Variants in GIGYF2 observed in about 807,000 individuals in gnomAD.
GIGYF2 encodes the protein GRB10 interacting GYF protein 2.
Under a neutral mutation model 208.1 loss-of-function variants are expected in GIGYF2, and 25 were observed. The observed-to-expected ratio is 0.12, with a 90% CI of 0.09 to 0.17. The LOEUF is 0.17. Among genes scored for constraint, GIGYF2 ranks in the 10% least tolerant of loss-of-function variants. GIGYF2 has a pLI of 1.00. For missense variants in GIGYF2, 1,302 were observed against 1,579.4 expected (o/e 0.82, Z 2.98); for synonymous variants, 534 against 543.8 (o/e 0.98, Z 0.25).
At chr2:232,844,604 C>T (rs376805748) in intron 25 of GIGYF2, 30 bp downstream of exon 25, 39 of 1,497,592 alleles carry the variant, frequency 2.6e-5, no homozygotes, top group Non-Finnish European at 3.5e-5. Context: ...CACCTATGCA[C>T]CTTGGTTGGT....
chr2:232,738,221 C>T (rs1185311515), intron 3 of GIGYF2, among the ~76,000 whole-genome samples: 1 of 152,002 alleles, frequency 6.6e-6, no homozygotes, highest in East Asian at 1.9e-4. Flanking sequence ...CCGGCCAAGG[C>T]TTGAACTTTT....
At chr2:232,702,821 G>A (rs1186816744) in intron 1 of GIGYF2, among the ~76,000 whole-genome samples, 3 of 152,128 alleles carry the variant, frequency 2.0e-5, no homozygotes, top group Non-Finnish European at 2.9e-5. Flanking sequence ...TTGAGATAAG[G>A]TCTCACTCTG....
chr2:232,796,127 A>G lies in GIGYF2; in HGVS notation c.1545A>G (p.Lys515=), dbSNP rs777702846. The G allele has an allele frequency of 5.6e-6, 9 of 1,604,478 alleles. No homozygotes were observed. In the Admixed American group the frequency reaches 1.3e-4, roughly 24 times the overall value. Residue 515 remains lysine, a synonymous_variant, in exon 14 of 29, where the codon AAA becomes AAG. Coordinates refer to ENST00000373563, the MANE Select transcript of GIGYF2 (RefSeq NM_001103146.3). Reference sequence around the variant, plus strand: ...TAGATGATGAAAGATTGGCATCAAAACTGCAAGAGCACAGAGCTAAAGGAG... The same window carrying G: ...TAGATGATGAAAGATTGGCATCAAAGCTGCAAGAGCACAGAGCTAAAGGAG... ...SALDDERLAS[K]LQEHRAKGVS...
chr2:232,770,784 A>G (rs965276572), intron 8 of GIGYF2: 8 of 720,894 alleles, frequency 1.1e-5, no homozygotes, highest in African/African-American at 8.9e-5. Context: ...TGCTATCAAT[A>G]TAGATAAATT....
chr2:232,710,626 G>A (rs890153306), intron 2 of GIGYF2, among the ~76,000 whole-genome samples: 2 of 151,252 alleles, frequency 1.3e-5, no homozygotes, highest in African/African-American at 2.4e-5. Flanking sequence ...TCTGTCCTTG[G>A]AAAACGTACA....
chr2:232,732,204 G>A (rs753194107), intron 2 of GIGYF2, among the ~76,000 whole-genome samples: 2 of 152,162 alleles, frequency 1.3e-5, no homozygotes, highest in Non-Finnish European at 2.9e-5. Flanking sequence ...AGCAATATAA[G>A]CTATTTAATT....
intron 28 of GIGYF2, among the ~76,000 whole-genome samples, chr2:232,855,902 T>C (rs2106438001): frequency 6.6e-6 from 1 of 150,424 alleles, no homozygotes; most frequent in East Asian, 2.0e-4. Context: ...TCTCTGATTC[T>C]CTGAAGCAGT....
intron 8 of GIGYF2, among the ~76,000 whole-genome samples, chr2:232,780,767 A>T (rs997861311): frequency 2.6e-5 from 4 of 152,224 alleles, no homozygotes; most frequent in Admixed American, 2.0e-4. Context: ...CAACTTTGTC[A>T]TGGTGCTGAC....
intron 28 of GIGYF2, 21 bp from the exon 29 acceptor site, chr2:232,856,772 T>G: frequency 6.3e-7 from 1 of 1,579,028 alleles, no homozygotes; most frequent in Non-Finnish European, 8.7e-7. Context: ...TGGTCACTCA[T>G]AGCCAGTTTT....
At chr2:232,743,004 C>T (rs1559397750) in intron 3 of GIGYF2, among the ~76,000 whole-genome samples, 1 of 152,214 alleles carries the variant, frequency 6.6e-6, no homozygotes, top group African/African-American at 2.4e-5. Flanking sequence ...CCCACACCTT[C>T]ACACATTGTT....
rs75008074 is a variant in GIGYF2 at position 232,798,558 on chromosome 2, T to A, written c.1639+2337T>A. On this transcript the variant is annotated intron_variant, in intron 14 of 28. Coordinates refer to ENST00000373563, the MANE Select transcript of GIGYF2 (RefSeq NM_001103146.3). Reference sequence around the variant, plus strand: ...GTATGAGCAATCCAGTTTCTCCACATCCTTATCAGCATTTGATGTTTTTGC... The same window carrying A: ...GTATGAGCAATCCAGTTTCTCCACAACCTTATCAGCATTTGATGTTTTTGC... Among the ~76,000 whole-genome samples the A allele has an allele frequency of 7.1e-4, 108 of 152,314 alleles. 1 individual carries two copies. Among genetic ancestry groups the A allele is most frequent in the African/African-American group, 2.6e-3 (108 of 41,572 alleles).
rs187563582 is a variant in GIGYF2, at chr2:232,716,915, C to T, written c.-44+13426C>T. Among the ~76,000 whole-genome samples the T allele has an allele frequency of 2.1e-3, 319 of 151,982 alleles. 1 individual carries two copies. The highest frequency in any genetic ancestry group is 7.4e-3 in the African/African-American group (307 of 41,490). On this transcript the variant is annotated intron_variant, in intron 2 of 28. Coordinates refer to ENST00000373563, the MANE Select transcript of GIGYF2 (RefSeq NM_001103146.3). ...CAACCTCCTGGGCTCAGGTGATCCT[C>T]CAACTTCAGCCTCCCCAGTAGCTGG...
At chr2:232,751,476 C>T (rs1208594967) in intron 5 of GIGYF2, among the ~76,000 whole-genome samples, 2 of 152,072 alleles carry the variant, frequency 1.3e-5, no homozygotes, top group Admixed American at 6.5e-5. Context: ...CTTGGCCTCC[C>T]GAAGTTCTGG....
intron 25 of GIGYF2, among the ~76,000 whole-genome samples, chr2:232,845,309 T>C (rs1438649204): frequency 6.6e-6 from 1 of 152,254 alleles, no homozygotes; most frequent in East Asian, 1.9e-4. Context: ...TAACATATTA[T>C]GAATAGAACA....
intron 2 of GIGYF2, among the ~76,000 whole-genome samples, chr2:232,709,952 TTA>T (rs1696306464): frequency 6.6e-6 from 1 of 151,288 alleles, no homozygotes; most frequent in African/African-American, 2.4e-5. Flanking sequence ...TTTTACAAAG[TTA>T]TATATTTATT....
At position 232,806,419 on chromosome 2, in the gene GIGYF2, A is replaced by G; in HGVS notation, c.1640-72A>G. The G allele has an allele frequency of 9.6e-7, 1 of 1,040,806 alleles. No homozygotes were observed. Among genetic ancestry groups the G allele is most frequent in the South Asian group, 1.3e-5 (1 of 79,326 alleles). The allele number at this position is 1,040,806 out of a possible 1,614,324, so 64.5% of individuals were successfully genotyped here. ...TGCCACCTCGATGAGAATCAGATGCAGGAAATATTTTTTTTCTCTTTGAGT... is the reference window on the plus strand; with the variant it reads ...TGCCACCTCGATGAGAATCAGATGCGGGAAATATTTTTTTTCTCTTTGAGT... On this transcript the variant is annotated intron_variant, in intron 14 of 28. Coordinates refer to ENST00000373563, the MANE Select transcript of GIGYF2 (RefSeq NM_001103146.3). The surrounding 1 kb of genome is among the most constrained non-coding windows in gnomAD (Gnocchi z 4.0).
At chr2:232,730,884 C>T (rs1375674708) in intron 2 of GIGYF2, among the ~76,000 whole-genome samples, 4 of 106,126 alleles carry the variant, frequency 3.8e-5, no homozygotes, top group Non-Finnish European at 5.1e-5. Flanking sequence ...GGCGACAGAG[C>T]GAGACTCCGT....
At chr2:232,832,511 C>T (rs893260644) in intron 21 of GIGYF2, among the ~76,000 whole-genome samples, 4 of 152,162 alleles carry the variant, frequency 2.6e-5, no homozygotes, top group East Asian at 3.8e-4. Flanking sequence ...TAGCTCTTAG[C>T]GCTCAGCACC....
intron 14 of GIGYF2, among the ~76,000 whole-genome samples, chr2:232,799,039 G>A (rs1307413248): frequency 6.6e-6 from 1 of 151,728 alleles, no homozygotes; most frequent in Non-Finnish European, 1.5e-5. Flanking sequence ...AGCACCTCAT[G>A]TAAGTGGAAT....
Sources: gnomAD v4.1 joint callset for allele counts (sites outside exome capture counted in the v4.1 genomes callset) on GRCh38, gnomAD v4.1.1 for gene constraint, Gnocchi (gnomAD v3.1) non-coding constraint, MANE v1.5 for transcripts, NCBI Gene and HGNC (gene_info 2026-07-23, HGNC 2026-07-21) for gene names.